PARM1: variants seen among roughly 807,000 people sequenced by gnomAD.
PARM1 encodes prostate androgen-regulated mucin-like protein 1.
Under a neutral mutation model 24.6 loss-of-function variants are expected in PARM1, and 14 were observed. The observed-to-expected ratio is 0.57, with a 90% CI of 0.38 to 0.89. PARM1 has a LOEUF of 0.89. Ranked by LOEUF, PARM1 falls within the 40% of genes least tolerant of loss-of-function variation. PARM1 has a pLI of 0.00. For synonymous variants in PARM1, 179 were observed against 156.6 expected (o/e 1.14, Z -1.07); for missense variants, 362 against 380.4 (o/e 0.95, Z 0.40).
At chr4:75,010,502 A>G (rs1223714294) in intron 1 of PARM1, among the ~76,000 whole-genome samples, 1 of 152,228 alleles carries the variant, frequency 6.6e-6, no homozygotes, top group Non-Finnish European at 1.5e-5. Flanking sequence ...TTGTAATAGT[A>G]AAGTGTTAGC....
chr4:75,006,732 T>C (rs1387939085), intron 1 of PARM1, among the ~76,000 whole-genome samples: 1 of 152,160 alleles, frequency 6.6e-6, no homozygotes, highest in Non-Finnish European at 1.5e-5. Context: ...TCTTCCACAA[T>C]GGTTGAACTT....
chr4:74,951,595 C>T (rs558568235), intron 1 of PARM1, among the ~76,000 whole-genome samples: 2 of 152,192 alleles, frequency 1.3e-5, no homozygotes, highest in Admixed American at 6.5e-5. Flanking sequence ...CCCTAGCCCC[C>T]AACCCCGCGA....
intron 2 of PARM1, among the ~76,000 whole-genome samples, chr4:75,024,255 CAAA>C (rs369591905): frequency 7.4e-6 from 1 of 134,776 alleles, no homozygotes; most frequent in Non-Finnish European, 1.6e-5. Flanking sequence ...GAGACTCTGT[CAAA>C]AAAAAAAAAA....
intron 1 of PARM1, among the ~76,000 whole-genome samples, chr4:75,001,250 A>C (rs1208832871): frequency 6.6e-6 from 1 of 152,232 alleles, no homozygotes; most frequent in African/African-American, 2.4e-5. Flanking sequence ...GTAGAATGGG[A>C]AAAAATTGAG....
At chr4:74,949,427 T>A (rs1473498829) in intron 1 of PARM1, among the ~76,000 whole-genome samples, 1 of 152,080 alleles carries the variant, frequency 6.6e-6, no homozygotes, top group South Asian at 2.1e-4. Context: ...CACGCCATCC[T>A]CCTGCCTCCC....
chr4:74,956,902 A>T (rs1002832205), intron 1 of PARM1: 1 of 152,242 alleles, frequency 6.6e-6, no homozygotes, highest in Non-Finnish European at 1.5e-5. Flanking sequence ...AAATACATAA[A>T]ATAATAGAGA....
rs181458513 is a variant in PARM1, at chr4:74,942,083, C to T, written c.43+8713C>T. Among the ~76,000 whole-genome samples, 712 of 152,312 alleles carry T rather than the reference C, an allele frequency of 4.7e-3. 2 individuals carry two copies. Among genetic ancestry groups the T allele is most frequent in the Non-Finnish European group, 7.4e-3 (503 of 68,032 alleles). On this transcript the variant is annotated intron_variant, in intron 1 of 3. Transcript: ENST00000307428. Reference sequence around the variant, plus strand: ...ATACCTAGAGTGCCATGGGACTAAACGTTCAACCAGTCTCTATCAAGTATG... The same window carrying T: ...ATACCTAGAGTGCCATGGGACTAAATGTTCAACCAGTCTCTATCAAGTATG...
In PARM1 at chr4:75,008,192, G is replaced by C. The variant is rs534255597; in HGVS notation, c.44-4233G>C. 2.0e-5 allele frequency among the ~76,000 whole-genome samples: 3 copies of C among 152,306 alleles called. No individual in the cohort carries two copies. In the South Asian group the frequency reaches 6.2e-4, roughly 32 times the overall value. On this transcript the variant is annotated intron_variant, in intron 1 of 3. Coordinates refer to ENST00000307428, the MANE Select transcript of PARM1 (RefSeq NM_015393.4). ...GCTTCTAAAGCCTCATTCAAATGAA[G>C]ATAACCAACATTGTCATACAATTTC... is the stretch of plus-strand genomic sequence containing the variant.
Position 74,995,747 on chromosome 4 carries a change from C to T in PARM1, c.44-16678C>T, listed in dbSNP as rs1028592302. On this transcript the variant is annotated intron_variant, in intron 1 of 3. Coordinates refer to ENST00000307428, the MANE Select transcript of PARM1 (RefSeq NM_015393.4). ...TTAGGCCAGAACAGTGTCCTCTCCG[C>T]GGCAGCCCCTAGCAGCTTTTCCTGC... Among the ~76,000 whole-genome samples, 8 of 152,242 alleles carry T rather than the reference C, an allele frequency of 5.3e-5. No homozygotes were observed. The East Asian group carries it at 9.7e-4, about 18-fold the overall frequency.
intron 1 of PARM1, among the ~76,000 whole-genome samples, chr4:74,973,559 T>C (rs1722083029): frequency 6.7e-6 from 1 of 148,680 alleles, no homozygotes; most frequent in Non-Finnish European, 1.5e-5. Context: ...GGTCTCCTCA[T>C]CTGCATCTGA....
chr4:75,020,674 T>C (rs1723073923), intron 2 of PARM1, among the ~76,000 whole-genome samples: 1 of 152,148 alleles, frequency 6.6e-6, no homozygotes, highest in Non-Finnish European at 1.5e-5. Flanking sequence ...GCTCCACTTG[T>C]CACCCCAGTG....
intron 1 of PARM1, among the ~76,000 whole-genome samples, chr4:74,980,942 A>T (rs147155679): frequency 6.6e-6 from 1 of 152,220 alleles, no homozygotes; most frequent in African/African-American, 2.4e-5. Flanking sequence ...AAACTTCCTT[A>T]TATCTTATAT....
At chr4:74,973,854 A>G (rs911229539) in intron 1 of PARM1, among the ~76,000 whole-genome samples, 2 of 150,792 alleles carry the variant, frequency 1.3e-5, no homozygotes, top group African/African-American at 2.4e-5. Context: ...TGTTACATGT[A>G]TGTGTGTGTG....
At chr4:74,936,823 T>G (rs1721203921) in intron 1 of PARM1, among the ~76,000 whole-genome samples, 2 of 152,070 alleles carry the variant, frequency 1.3e-5, no homozygotes, top group Non-Finnish European at 2.9e-5. Flanking sequence ...ATGTTAGAAC[T>G]TTCAAAGGCA....
chr4:74,974,186 T>C (rs1318565482), intron 1 of PARM1, among the ~76,000 whole-genome samples: 1 of 152,226 alleles, frequency 6.6e-6, no homozygotes, highest in Non-Finnish European at 1.5e-5. Flanking sequence ...GATTGGATGA[T>C]GCCCACATAC....
At chr4:74,961,563 G>A (rs547652617) in intron 1 of PARM1, among the ~76,000 whole-genome samples, 1 of 152,222 alleles carries the variant, frequency 6.6e-6, no homozygotes, top group Non-Finnish European at 1.5e-5. Flanking sequence ...AAGCAGCAAG[G>A]GAGAAGCAAC....
intron 1 of PARM1, among the ~76,000 whole-genome samples, chr4:75,011,080 C>T (rs908866596): frequency 6.6e-6 from 1 of 152,156 alleles, no homozygotes; most frequent in Admixed American, 6.5e-5. Context: ...ACAGCCAGAT[C>T]CTGAGAGAAC....
chr4:75,025,732 A>G (rs1723172561), intron 2 of PARM1, among the ~76,000 whole-genome samples: 1 of 152,196 alleles, frequency 6.6e-6, no homozygotes, highest in South Asian at 2.1e-4. Context: ...CTCAACCAAG[A>G]TTAATATTTC....
chr4:74,941,627 C>A (rs1335984828), intron 1 of PARM1, among the ~76,000 whole-genome samples: 1 of 152,098 alleles, frequency 6.6e-6, no homozygotes, highest in African/African-American at 2.4e-5. Flanking sequence ...TAGTGTGCCT[C>A]CTTAGTTCTG....
Sources: allele counts gnomAD v4.1 joint callset (sites outside exome capture counted in the v4.1 genomes callset), GRCh38; gene constraint gnomAD v4.1.1; transcripts MANE v1.5; gene names NCBI Gene and HGNC (gene_info 2026-07-23, HGNC 2026-07-21).